SCN9A: variants seen among roughly 807,000 people sequenced by gnomAD.
The protein encoded by SCN9A is sodium channel protein type 9 subunit alpha.
A neutral mutation model predicts 187.0 loss-of-function variants in SCN9A; 131 were observed. The ratio of observed to expected loss-of-function variants is 0.70; its 90% CI spans 0.61 to 0.81. SCN9A has a LOEUF of 0.81. Ranked by LOEUF, SCN9A falls within the 30% of genes least tolerant of loss-of-function variation. The pLI is 0.00. For synonymous variants in SCN9A, 809 were observed against 808.6 expected, an observed-to-expected ratio of 1.00 and a Z score of -0.01; for missense variants, 2,252 against 2,396.6, an observed-to-expected ratio of 0.94 and a Z score of 1.26.
intron 24 of SCN9A, among the ~76,000 whole-genome samples, chr2:166,225,560 A>G (rs12475745): frequency 0.03 from 4,509 of 151,358 alleles, 482 homozygotes; most frequent in Admixed American, 0.2. Context: ...TTTGTGAAAG[A>G]GACTCTGTAA....
At chr2:166,209,106 G>C (rs941336860) in intron 24 of SCN9A, among the ~76,000 whole-genome samples, 1 of 152,166 alleles carries the variant, frequency 6.6e-6, no homozygotes, top group African/African-American at 2.4e-5. Flanking sequence ...CTGTTTGAGA[G>C]ACTCTCAGTA....
In SCN9A at chr2:166,375,892, T is replaced by C. The variant is rs962998170; in HGVS notation, c.-246A>G. The C allele has an allele frequency of 2.0e-5, 3 of 152,200 alleles. No individual in the cohort carries two copies. The highest frequency in any genetic ancestry group is 7.2e-5 in the African/African-American group (3 of 41,458). 9.4% of individuals were successfully genotyped at this position (152,200 alleles called of 1,614,324 possible). A position where few individuals can be genotyped will look rare whatever the true frequency, so the allele number is the denominator to read the frequency against. ...CCCAGCCTCAGCCGAGCTGGCGGAATTGGAAAGCCGACAGCCGCCGCTGGA... is the reference window on the plus strand; with the variant it reads ...CCCAGCCTCAGCCGAGCTGGCGGAACTGGAAAGCCGACAGCCGCCGCTGGA... On this transcript the variant is annotated 5_prime_UTR_variant, in exon 1 of 27. Transcript: ENST00000642356.
intron 21 of SCN9A, among the ~76,000 whole-genome samples, 174 bp downstream of exon 21, chr2:166,233,166 C>CATATGCATACTATT (rs1321932592): frequency 0.021 from 3,017 of 140,448 alleles, 113 homozygotes; most frequent in African/African-American, 0.075. Flanking sequence ...ATATAGTATA[C>CATATGCATACTATT]ATATGCATAT....
At chr2:166,292,857 G>A (rs1415806404) in intron 9 of SCN9A, among the ~76,000 whole-genome samples, 3 of 152,138 alleles carry the variant, frequency 2.0e-5, no homozygotes, top group Admixed American at 2.0e-4. Context: ...AACATGGTGA[G>A]CAGGTGAACA....
chr2:166,345,585 A>G (rs1699882116), intron 1 of SCN9A, among the ~76,000 whole-genome samples: 2 of 152,232 alleles, frequency 1.3e-5, no homozygotes, highest in African/African-American at 2.4e-5. Flanking sequence ...CAGAAAAACA[A>G]TCTAGGCATT....
chr2:166,255,489 T>TTAG (rs1259438759), intron 17 of SCN9A, among the ~76,000 whole-genome samples: 13 of 95,736 alleles, frequency 1.4e-4, no homozygotes, highest in African/African-American at 4.7e-4. Context: ...ATGCTAGTTA[T>TTAG]TTATTGTTCC....
intron 24 of SCN9A, among the ~76,000 whole-genome samples, chr2:166,222,947 A>AAC (rs1558960858): frequency 2.0e-5 from 1 of 49,688 alleles, no homozygotes; most frequent in Non-Finnish European, 4.1e-5. Flanking sequence ...AAAAACAACA[A>AAC]AAAAAAAAAA....
intron 18 of SCN9A, among the ~76,000 whole-genome samples, chr2:166,247,204 C>T (rs12692791): frequency 0.8 from 113,559 of 141,140 alleles, 46,015 homozygotes; most frequent in Non-Finnish European, 0.85. Flanking sequence ...AAAGAAACCA[C>T]TGACCACTTC....
At chr2:166,277,825 T>C in intron 15 of SCN9A, 1 of 266,918 alleles carries the variant, frequency 3.7e-6, no homozygotes, top group Admixed American at 5.0e-5. Flanking sequence ...GTTATGAACA[T>C]ATAATCATTG....
At chr2:166,211,904 T>C (rs1375745060) in intron 24 of SCN9A, among the ~76,000 whole-genome samples, 1 of 151,856 alleles carries the variant, frequency 6.6e-6, no homozygotes, top group Non-Finnish European at 1.5e-5. Flanking sequence ...AAAAAGGCAA[T>C]AGTAAGTCAT....
chr2:166,317,560 TCTG>T (rs1460108562), intron 1 of SCN9A, among the ~76,000 whole-genome samples: 1 of 152,224 alleles, frequency 6.6e-6, no homozygotes, highest in Admixed American at 6.5e-5. Flanking sequence ...AAATATTTAT[TCTG>T]AACTCTTTCT....
chr2:166,361,306 T>C, intron 1 of SCN9A, among the ~76,000 whole-genome samples: 1 of 152,150 alleles, frequency 6.6e-6, no homozygotes, highest in East Asian at 1.9e-4. Flanking sequence ...TTGCTTACTT[T>C]ATAATAGAAA....
At position 166,303,232 on chromosome 2, in the gene SCN9A, C is replaced by A; in HGVS notation, c.759G>T (p.Val253=). 1 of 1,613,730 alleles carries A rather than the reference C, an allele frequency of 6.2e-7. No homozygotes were observed. The highest frequency in any genetic ancestry group is 1.1e-5 in the South Asian group (1 of 91,068). The change falls in exon 7 of 27, where the codon GTG becomes GTT. Residue 253 remains valine, a synonymous_variant. Coordinates refer to ENST00000642356, the MANE Select transcript of SCN9A (RefSeq NM_001365536.1). ...KKLSDVMILT[V]FCLSVFALIG... ...TTAGTGCAAACACACTCAGACAGAA[C>A]ACAGTCAGGATCATGACATCAGAAA... is the stretch of plus-strand genomic sequence containing the variant.
chr2:166,233,019 A>G (rs1047922588), intron 21 of SCN9A, among the ~76,000 whole-genome samples: 1 of 147,388 alleles, frequency 6.8e-6, no homozygotes, highest in Non-Finnish European at 1.5e-5. Flanking sequence ...ATTAGTATAT[A>G]TAATATGCAT....
Position 166,284,510 on chromosome 2 carries a change from G to C in SCN9A, c.1917C>G (p.Leu639=), listed in dbSNP as rs771781274. 6.2e-7 allele frequency: 1 copy of C among 1,614,084 alleles called. No homozygotes were observed. The highest frequency in any genetic ancestry group is 8.5e-7 in the Non-Finnish European group (1 of 1,180,000). ...SLVDGRSALM[L]PNGQLLPEVI... is the part of the protein sequence containing the mutation. The stretch of plus-strand genomic sequence containing the variant: ...CCTCTGGCAGAAGCTGTCCATTGGG[G>C]AGCATGAGGGCTGAGCGTCCATCAA... The change falls in exon 12 of 27, where the codon CTC becomes CTG. Residue 639 remains leucine (L), a synonymous_variant. Transcript: ENST00000642356.
chr2:166,288,397 T>C, intron 10 of SCN9A, 40 bp downstream of exon 10: 1 of 1,537,014 alleles, frequency 6.5e-7, no homozygotes, highest in South Asian at 1.2e-5. Context: ...ACCGTTTGCA[T>C]TTCTACCTCT....
intron 24 of SCN9A, among the ~76,000 whole-genome samples, chr2:166,210,197 T>C (rs1409037692): frequency 6.6e-6 from 1 of 151,962 alleles, no homozygotes; most frequent in African/African-American, 2.4e-5. Context: ...CTCAGCAAAC[T>C]ATCGCAAGGA....
At chr2:166,340,524 C>T (rs1559050706) in intron 1 of SCN9A, among the ~76,000 whole-genome samples, 2 of 138,860 alleles carry the variant, frequency 1.4e-5, no homozygotes, top group East Asian at 2.1e-4. Context: ...CCTTCCCTCT[C>T]TCCTTTCTTT....
In SCN9A at chr2:166,198,841, G is replaced by T; in HGVS notation, c.5798C>A (p.Ala1933Asp). 6.2e-7 allele frequency: 1 copy of T among 1,613,562 alleles called. No homozygotes were observed. ...DDDLLNKKDM[A>D]FDNVNENSSP... ...TGAGTTCTCATTAACATTATCAAAA[G>T]CCATATCTTTTTTATTGAGTAAATC... Residue 1933 changes from alanine to aspartate, a missense_variant, in exon 27 of 27, where the codon GCT (alanine) becomes GAT (aspartate). Coordinates refer to ENST00000642356, the MANE Select transcript of SCN9A (RefSeq NM_001365536.1).
Sources: gnomAD v4.1 joint callset for allele counts (sites outside exome capture counted in the v4.1 genomes callset) on GRCh38, gnomAD v4.1.1 for gene constraint, MANE v1.5 for transcripts, NCBI Gene and HGNC (gene_info 2026-07-23, HGNC 2026-07-21) for gene names.